LIMCH1: variants seen among roughly 807,000 people sequenced by gnomAD.
LIMCH1 encodes LIM and calponin homology domains-containing protein 1.
LIMCH1 carries 113 observed loss-of-function variants against 176.5 expected under a neutral mutation model. The ratio of observed to expected loss-of-function variants is 0.64; its 90% CI spans 0.55 to 0.75. LIMCH1 has a LOEUF of 0.75. LIMCH1 is among the 30% of genes least tolerant of loss of function. The probability of loss-of-function intolerance (pLI) is 0.00; values close to 1 mark genes in which losing one functional copy is unlikely to be tolerated. For missense variants in LIMCH1, 1,674 were observed against 1,814.9 expected, an observed-to-expected ratio of 0.92 and a Z score of 1.41; for synonymous variants, 619 against 645.9, an observed-to-expected ratio of 0.96 and a Z score of 0.63.
At chr4:41,590,655 A>C (rs568988109) in intron 1 of LIMCH1, among the ~76,000 whole-genome samples, 3 of 152,142 alleles carry the variant, frequency 2.0e-5, no homozygotes, top group African/African-American at 7.2e-5. Flanking sequence ...TTTCCCATCC[A>C]TAAAATGTTT....
intron 24 of LIMCH1, 34 bp from the exon 25 acceptor site, chr4:41,680,920 TC>T (rs1160508292): frequency 8.7e-7 from 1 of 1,151,806 alleles, no homozygotes; most frequent in Non-Finnish European, 1.3e-6. Context: ...ATTTTTATTT[TC>T]CCCCCTTTCA....
intron 1 of LIMCH1, among the ~76,000 whole-genome samples, chr4:41,370,330 G>T (rs1436465142): frequency 1.3e-5 from 2 of 152,042 alleles, no homozygotes; most frequent in Non-Finnish European, 2.9e-5. Flanking sequence ...AGAAATGGAA[G>T]AATTTTTATT....
chr4:41,447,715 C>G lies in LIMCH1; in HGVS notation c.97-46821C>G, dbSNP rs114243879. ...GTCTGTCTGTCTTACCAACTTACCTCTAGAACAGTGATTTTCACACTGCTG... is the reference window on the plus strand; with the variant it reads ...GTCTGTCTGTCTTACCAACTTACCTGTAGAACAGTGATTTTCACACTGCTG... On this transcript the variant is annotated intron_variant, in intron 1 of 26. Transcript: ENST00000313860. Among the ~76,000 whole-genome samples the G allele has an allele frequency of 4.6e-3, 703 of 152,270 alleles. 6 individuals are homozygous for G. The highest frequency in any genetic ancestry group is 0.015 in the African/African-American group (621 of 41,556).
chr4:41,613,031 G>C (rs982525611), intron 4 of LIMCH1: 1 of 1,551,912 alleles, frequency 6.4e-7, no homozygotes, highest in African/African-American at 1.4e-5. Context: ...AGCAAAAGTT[G>C]CACAGCTAAA....
intron 1 of LIMCH1, among the ~76,000 whole-genome samples, chr4:41,371,977 C>G (rs982514922): frequency 2.6e-5 from 4 of 152,172 alleles, no homozygotes; most frequent in African/African-American, 9.6e-5. Context: ...TTAACACTTG[C>G]GTATTTTGTA....
chr4:41,448,335 G>A (rs1582351980), intron 1 of LIMCH1, among the ~76,000 whole-genome samples: 1 of 152,206 alleles, frequency 6.6e-6, no homozygotes, highest in East Asian at 1.9e-4. Context: ...TTGAGGCTAG[G>A]GTGATGTCTG....
At chr4:41,620,935 C>G (rs1226402020) in intron 7 of LIMCH1, among the ~76,000 whole-genome samples, 1 of 152,214 alleles carries the variant, frequency 6.6e-6, no homozygotes, top group Non-Finnish European at 1.5e-5. Context: ...CAGCCCTTGT[C>G]TTTGTCATGT....
intron 2 of LIMCH1, among the ~76,000 whole-genome samples, chr4:41,498,993 C>G (rs1430197022): frequency 6.6e-6 from 1 of 151,946 alleles, no homozygotes; most frequent in Non-Finnish European, 1.5e-5. Flanking sequence ...AAAGTGTTTA[C>G]TATCTGGTCC....
At chr4:41,523,167 T>C (rs1159535991) in intron 2 of LIMCH1, among the ~76,000 whole-genome samples, 3 of 152,246 alleles carry the variant, frequency 2.0e-5, no homozygotes, top group Non-Finnish European at 4.4e-5. Flanking sequence ...TGAAAAATTT[T>C]TGTTACTGAT....
chr4:41,642,143 A>G, intron 14 of LIMCH1, among the ~76,000 whole-genome samples: 1 of 152,180 alleles, frequency 6.6e-6, no homozygotes, highest in East Asian at 1.9e-4. Flanking sequence ...GATATTATAG[A>G]TGGCAGAGTT....
intron 14 of LIMCH1, among the ~76,000 whole-genome samples, chr4:41,640,847 CA>C (rs1413617930): frequency 2.0e-5 from 3 of 152,198 alleles, no homozygotes; most frequent in Admixed American, 2.0e-4. Context: ...GAATATAGGT[CA>C]GGGGCAGACC....
intron 1 of LIMCH1, among the ~76,000 whole-genome samples, chr4:41,555,298 G>A (rs146426839): frequency 2.0e-5 from 3 of 152,288 alleles, no homozygotes; most frequent in African/African-American, 4.8e-5. Context: ...TAAATGTGAA[G>A]GATTTTAGGC....
intron 1 of LIMCH1, among the ~76,000 whole-genome samples, chr4:41,545,044 T>C (rs2079178081): frequency 6.6e-6 from 1 of 152,248 alleles, no homozygotes; most frequent in African/African-American, 2.4e-5. Flanking sequence ...TTCAGTGTCA[T>C]AGGACAGGCT....
chr4:41,633,435 G>C, intron 12 of LIMCH1, 113 bp from the exon 13 acceptor site: 1 of 1,286,926 alleles, frequency 7.8e-7, no homozygotes, highest in Non-Finnish European at 1.1e-6. Flanking sequence ...GTGTGCCGCT[G>C]CCTCCAGGGA....
intron 31 of LIMCH1, among the ~76,000 whole-genome samples, chr4:41,694,174 G>A (rs748215998): frequency 2.0e-5 from 3 of 152,096 alleles, no homozygotes; most frequent in Non-Finnish European, 4.4e-5. Flanking sequence ...GTGAAATGCA[G>A]TGTTTTACCA....
chr4:41,535,490 T>C (rs1420277264), upstream of LIMCH1, among the ~76,000 whole-genome samples: 1 of 152,198 alleles, frequency 6.6e-6, no homozygotes, highest in Admixed American at 6.5e-5. Context: ...ACGTGGTCTT[T>C]CCCCTGTATG....
At chr4:41,362,724 C>T (rs1395791078) in intron 1 of LIMCH1, among the ~76,000 whole-genome samples, 6 of 152,128 alleles carry the variant, frequency 3.9e-5, no homozygotes, top group Admixed American at 2.6e-4. Context: ...TAGCCCCCAC[C>T]TAAATCAAGA....
At chr4:41,462,886 TTTTTTAAG>T (rs142461892) in intron 1 of LIMCH1, among the ~76,000 whole-genome samples, 3,965 of 152,298 alleles carry the variant, frequency 0.026, 85 homozygotes, top group Middle Eastern at 0.054. Context: ...CCTTTTATTT[TTTTTTAAG>T]TTTATATTGA....
intron 1 of LIMCH1, among the ~76,000 whole-genome samples, chr4:41,488,803 C>T (rs866781774): frequency 3.9e-5 from 6 of 152,148 alleles, no homozygotes; most frequent in African/African-American, 1.2e-4. Flanking sequence ...CTTATAATAT[C>T]TGTCTGGTTT....
Sources: allele counts gnomAD v4.1 joint callset (sites outside exome capture counted in the v4.1 genomes callset), GRCh38; gene constraint gnomAD v4.1.1; transcripts MANE v1.5; gene names NCBI Gene and HGNC (gene_info 2026-07-23, HGNC 2026-07-21).